Variants in TSHZ2 observed in about 807,000 individuals in gnomAD.
TSHZ2 encodes the protein teashirt homolog 2.
Under a neutral mutation model 74.4 loss-of-function variants are expected in TSHZ2, and 21 were observed. The observed-to-expected ratio is 0.28, with a 90% CI of 0.20 to 0.41. TSHZ2 has a LOEUF of 0.41. Among genes scored for constraint, TSHZ2 ranks in the 10% least tolerant of loss-of-function variants. The pLI is 1.00. For missense variants in TSHZ2, 1,244 were observed against 1,293.5 expected (o/e 0.96, Z 0.59); for synonymous variants, 540 against 515.3 (o/e 1.05, Z -0.65).
intron 1 of TSHZ2, among the ~76,000 whole-genome samples, chr20:53,249,129 C>T (rs536858386): frequency 1.3e-5 from 2 of 152,238 alleles, no homozygotes; most frequent in African/African-American, 2.4e-5. Context: ...GTGTGAGCCT[C>T]GGCACACAGC....
chr20:53,211,223 A>G (rs1989295996), intron 1 of TSHZ2, among the ~76,000 whole-genome samples: 1 of 152,194 alleles, frequency 6.6e-6, no homozygotes, highest in African/African-American at 2.4e-5. Flanking sequence ...AGAGACTTTA[A>G]GTAACTTTCC....
chr20:53,078,589 C>A (rs1363339115), intron 1 of TSHZ2, among the ~76,000 whole-genome samples: 1 of 152,146 alleles, frequency 6.6e-6, no homozygotes, highest in African/African-American at 2.4e-5. Context: ...TTGAAAAATA[C>A]CCTGGCTGCA....
At chr20:53,370,956 C>T (rs1356238189) in intron 2 of TSHZ2, among the ~76,000 whole-genome samples, 1 of 152,212 alleles carries the variant, frequency 6.6e-6, no homozygotes. Flanking sequence ...CAAGGCCACA[C>T]TCCCTCTGAA....
chr20:53,126,520 T>C (rs1185716303), intron 1 of TSHZ2, among the ~76,000 whole-genome samples: 1 of 152,110 alleles, frequency 6.6e-6, no homozygotes, highest in Admixed American at 6.6e-5. Flanking sequence ...TGAGTAAAGG[T>C]GAATTATTTT....
chr20:53,474,031 T>C (rs951835471), intron 2 of TSHZ2, among the ~76,000 whole-genome samples: 8 of 151,468 alleles, frequency 5.3e-5, no homozygotes, highest in East Asian at 3.9e-4. Flanking sequence ...CTACGTCTGA[T>C]TGGGGTACCT....
Position 53,190,126 on chromosome 20 carries a change from TA to T in TSHZ2, c.41-63372del, listed in dbSNP as rs1568803452. Among the ~76,000 whole-genome samples the T allele has an allele frequency of 2.4e-4, 24 of 99,398 alleles. 1 individual carries two copies. The highest frequency in any genetic ancestry group is 8.9e-4 in the African/African-American group (23 of 25,744). 65.2% of individuals were successfully genotyped at this position (99,398 alleles called of 152,430 possible). A position where few individuals can be genotyped will look rare whatever the true frequency, so the allele number is the denominator to read the frequency against. ...ATATATATATATATATATATATATA[TA>T]TATATATATATTTTCTTAAATGCCT... is the stretch of plus-strand genomic sequence containing the variant. On this transcript the variant is annotated intron_variant, in intron 1 of 2. Transcript: ENST00000371497.
rs74341376 is a variant in TSHZ2 at position 53,315,679 on chromosome 20, C to T, written c.*8+59108C>T. ...CTTATGCAGATTGTCTCAGCATATT[C>T]TATGTGCCAGGTTTTTAAAACAGGC... On this transcript the variant is annotated intron_variant, in intron 2 of 2. Coordinates refer to ENST00000371497, the MANE Select transcript of TSHZ2 (RefSeq NM_173485.6). Among the ~76,000 whole-genome samples the T allele has an allele frequency of 7.1e-4, 108 of 152,290 alleles. No individual in the cohort carries two copies. The East Asian group carries it at 0.02, about 28-fold the overall frequency.
intron 1 of TSHZ2, among the ~76,000 whole-genome samples, chr20:53,110,638 A>T (rs1453091660): frequency 6.6e-6 from 1 of 152,218 alleles, no homozygotes; most frequent in East Asian, 1.9e-4. Flanking sequence ...GGGATATGAG[A>T]TAAAGAGTAC....
intron 2 of TSHZ2, among the ~76,000 whole-genome samples, chr20:53,284,169 G>A (rs1991119083): frequency 6.6e-6 from 1 of 152,198 alleles, no homozygotes; most frequent in Non-Finnish European, 1.5e-5. Context: ...GGCTTGTTGA[G>A]AATGGAGTGT....
chr20:53,431,819 T>C (rs577771285), intron 2 of TSHZ2, among the ~76,000 whole-genome samples: 1 of 152,324 alleles, frequency 6.6e-6, no homozygotes, highest in South Asian at 2.1e-4. Context: ...AAGTAATATG[T>C]TGCATGTGGC....
At chr20:53,023,993 C>A (rs1198433781) in intron 1 of TSHZ2, among the ~76,000 whole-genome samples, 1 of 152,010 alleles carries the variant, frequency 6.6e-6, no homozygotes, top group Non-Finnish European at 1.5e-5. Context: ...TATTACTCAA[C>A]TCTAAAAACC....
chr20:52,983,632 T>C (rs964394593), intron 1 of TSHZ2, among the ~76,000 whole-genome samples: 3 of 152,246 alleles, frequency 2.0e-5, no homozygotes, highest in African/African-American at 7.2e-5. Context: ...AGAATATGTT[T>C]CAAATGAGAA....
In TSHZ2 at chr20:53,438,657, C is replaced by A. The variant is rs144978790; in HGVS notation, c.*9-48487C>A. Among the ~76,000 whole-genome samples the A allele has an allele frequency of 7.8e-3, 1,180 of 152,202 alleles. 4 individuals carry two copies. The highest frequency in any genetic ancestry group is 0.037 in the South Asian group (176 of 4,820). On this transcript the variant is annotated intron_variant, in intron 2 of 2. Coordinates refer to ENST00000371497, the MANE Select transcript of TSHZ2 (RefSeq NM_173485.6). The stretch of plus-strand genomic sequence containing the variant: ...ACCTAAAAATGAGAAAGCAGTGGAT[C>A]CCCAAATAAAAATTAGGGCTGGGCT...
At chr20:53,113,112 G>A (rs745522750) in intron 1 of TSHZ2, among the ~76,000 whole-genome samples, 10 of 152,198 alleles carry the variant, frequency 6.6e-5, no homozygotes, top group African/African-American at 1.4e-4. Context: ...CCATGGAGGC[G>A]GACTGCAGAA....
At chr20:53,446,254 A>G (rs1221272769) in intron 2 of TSHZ2, among the ~76,000 whole-genome samples, 2 of 152,002 alleles carry the variant, frequency 1.3e-5, no homozygotes, top group African/African-American at 4.8e-5. Context: ...CATCCTTGAA[A>G]CAGGAAGTGA....
At chr20:53,040,554 CCACCCCGT>C (rs1984001209) in intron 1 of TSHZ2, among the ~76,000 whole-genome samples, 8 of 152,024 alleles carry the variant, frequency 5.3e-5, no homozygotes, top group Admixed American at 5.2e-4. Context: ...CAGTTTGCTC[CCACCCCGT>C]CCCCCCACCC....
intron 1 of TSHZ2, among the ~76,000 whole-genome samples, chr20:53,218,528 C>G (rs1405571033): frequency 3.3e-5 from 5 of 152,190 alleles, no homozygotes; most frequent in African/African-American, 1.2e-4. Context: ...ATCCAAACAT[C>G]TACCGCATTG....
At chr20:53,323,437 T>G (rs1979354948) in intron 2 of TSHZ2, among the ~76,000 whole-genome samples, 1 of 62,460 alleles carries the variant, frequency 1.6e-5, no homozygotes, top group East Asian at 3.4e-4. Context: ...ATGATGTAGT[T>G]AAAGTTTAAA....
At chr20:53,161,353 C>T (rs1987935002) in intron 1 of TSHZ2, among the ~76,000 whole-genome samples, 1 of 152,046 alleles carries the variant, frequency 6.6e-6, no homozygotes, top group Non-Finnish European at 1.5e-5. Flanking sequence ...ACGGGGAGCA[C>T]TCAGACTGAT....
Sources: gnomAD v4.1 joint callset for allele counts (sites outside exome capture counted in the v4.1 genomes callset) on GRCh38, gnomAD v4.1.1 for gene constraint, MANE v1.5 for transcripts, NCBI Gene and HGNC (gene_info 2026-07-23, HGNC 2026-07-21) for gene names.